BORCS5: variants seen among roughly 807,000 people sequenced by gnomAD.
The protein encoded by BORCS5 is BLOC-1-related complex subunit 5.
In BORCS5, 17 loss-of-function variants were observed where a neutral mutation model predicts 22.1. That is an observed-to-expected ratio of 0.77 (90% CI 0.53 to 1.15). The LOEUF (loss-of-function observed/expected upper bound fraction) is 1.15, where lower values mean the gene tolerates loss of function less well. Ranked by LOEUF, BORCS5 falls within the 50% of genes most tolerant of loss-of-function variation. The pLI is 0.00. For synonymous variants in BORCS5, 117 were observed against 99.8 expected (o/e 1.17, Z -1.03); for missense variants, 247 against 253.2 (o/e 0.98, Z 0.17).
chr12:12,453,707 A>T (rs947704103), intron 3 of BORCS5, among the ~76,000 whole-genome samples: 8 of 152,158 alleles, frequency 5.3e-5, no homozygotes, highest in African/African-American at 1.9e-4. Flanking sequence ...CACGTAGTTC[A>T]CCCTTTTACA....
At chr12:12,423,474 G>A (rs1592113856) in intron 2 of BORCS5, among the ~76,000 whole-genome samples, 1 of 88,184 alleles carries the variant, frequency 1.1e-5, no homozygotes, top group African/African-American at 4.4e-5. Flanking sequence ...TTTCCTGACT[G>A]ATACGCTTAA....
intron 2 of BORCS5, among the ~76,000 whole-genome samples, chr12:12,367,788 C>T (rs1196742907): frequency 6.6e-6 from 1 of 152,198 alleles, no homozygotes; most frequent in Non-Finnish European, 1.5e-5. Context: ...GGTATTCATG[C>T]CTTTCTCTGA....
At chr12:12,421,428 G>C (rs930709930) in intron 2 of BORCS5, among the ~76,000 whole-genome samples, 23 of 152,254 alleles carry the variant, frequency 1.5e-4, no homozygotes, top group African/African-American at 5.5e-4. Flanking sequence ...TAAGCTTTTT[G>C]ATGTGCTCCT....
At chr12:12,366,166 C>G (rs7296883) in intron 2 of BORCS5, among the ~76,000 whole-genome samples, 67,015 of 152,062 alleles carry the variant, frequency 0.44, 15,448 homozygotes, top group African/African-American at 0.58. Flanking sequence ...CACAGTGAAG[C>G]CTGTACCCCC....
chr12:12,437,844 C>T (rs1237004028), intron 3 of BORCS5, among the ~76,000 whole-genome samples: 2 of 152,138 alleles, frequency 1.3e-5, no homozygotes, highest in Non-Finnish European at 2.9e-5. Context: ...CTCGTTGCAA[C>T]CTCTAACTGC....
chr12:12,424,390 G>T (rs145911749), intron 2 of BORCS5, among the ~76,000 whole-genome samples: 2,274 of 152,024 alleles, frequency 0.015, 65 homozygotes, highest in African/African-American at 0.052. Flanking sequence ...TTTCTTTTTA[G>T]GTTTTCTGTC....
At chr12:12,452,127 C>T (rs994719168) in intron 3 of BORCS5, 19 of 531,496 alleles carry the variant, frequency 3.6e-5, no homozygotes, top group Admixed American at 1.4e-4. Context: ...GCAGGTTTGG[C>T]ACTTTATAGT....
chr12:12,455,757 C>T (rs1037832749), intron 3 of BORCS5, among the ~76,000 whole-genome samples: 4 of 144,104 alleles, frequency 2.8e-5, no homozygotes, highest in African/African-American at 1.1e-4. Context: ...GCAGCATGGG[C>T]AACAGAGTGA....
At chr12:12,413,059 C>T (rs867664650) in intron 2 of BORCS5, among the ~76,000 whole-genome samples, 6 of 134,038 alleles carry the variant, frequency 4.5e-5, no homozygotes, top group South Asian at 4.6e-4. Flanking sequence ...TGCGGCCTTC[C>T]GCAGTGTTTG....
At chr12:12,405,174 T>C (rs1438493015) in intron 2 of BORCS5, among the ~76,000 whole-genome samples, 1 of 152,116 alleles carries the variant, frequency 6.6e-6, no homozygotes, top group East Asian at 1.9e-4. Context: ...AGACAACCCA[T>C]AAAGGTAAAG....
intron 2 of BORCS5, among the ~76,000 whole-genome samples, chr12:12,410,247 A>C (rs934140984): frequency 2.1e-4 from 32 of 150,950 alleles, no homozygotes; most frequent in African/African-American, 7.8e-4. Flanking sequence ...CCCATTTGTC[A>C]ATTTTGGCTT....
chr12:12,445,756 C>T (rs1013561049), intron 3 of BORCS5, among the ~76,000 whole-genome samples: 2 of 151,334 alleles, frequency 1.3e-5, no homozygotes, highest in Non-Finnish European at 2.9e-5. Context: ...GCCCCAGCCT[C>T]CCCAGTAGCT....
chr12:12,402,480 T>C (rs1296835200), intron 2 of BORCS5, among the ~76,000 whole-genome samples: 1 of 152,164 alleles, frequency 6.6e-6, no homozygotes, highest in Non-Finnish European at 1.5e-5. Context: ...AGAGAGTTGG[T>C]TGTGTGTTGT....
chr12:12,392,709 C>T (rs532082786), intron 2 of BORCS5, among the ~76,000 whole-genome samples: 1 of 152,086 alleles, frequency 6.6e-6, no homozygotes, highest in Non-Finnish European at 1.5e-5. Flanking sequence ...ATTGCAATTG[C>T]CCAATAAAAA....
rs551494780 is a variant in BORCS5, at chr12:12,370,911, G to T, written c.202+9562G>T. Reference sequence around the variant, plus strand: ...CTACAGGCGCCCACCATCATGCCCAGCTAATTTTTCTGTATTTTTAGCAGA... The same window carrying T: ...CTACAGGCGCCCACCATCATGCCCATCTAATTTTTCTGTATTTTTAGCAGA... On this transcript the variant is annotated intron_variant, in intron 2 of 3. Transcript: ENST00000314565. Among the ~76,000 whole-genome samples the T allele has an allele frequency of 2.8e-4, 43 of 152,104 alleles. 1 individual carries two copies. In the South Asian group the frequency reaches 8.9e-3, roughly 32 times the overall value.
rs1490293137 is a variant in BORCS5, at chr12:12,397,604, C to T, written c.202+36255C>T. On this transcript the variant is annotated intron_variant, in intron 2 of 3. Coordinates refer to ENST00000314565, the MANE Select transcript of BORCS5 (RefSeq NM_058169.6). The stretch of plus-strand genomic sequence containing the variant: ...AAAGAAGACTTTGATGAGAGAAGAT[C>T]GGTACCTGACATAGTCTGGTAATTC... Among the ~76,000 whole-genome samples the T allele has an allele frequency of 9.2e-4, 140 of 152,230 alleles. 2 individuals are homozygous for T. Among genetic ancestry groups the T allele is most frequent in the Admixed American group, 9.0e-3 (137 of 15,294 alleles).
At chr12:12,465,478 G>C (rs1943183345) in intron 3 of BORCS5, 68 bp from the exon 4 acceptor site, 2 of 1,379,432 alleles carry the variant, frequency 1.4e-6, no homozygotes, top group African/African-American at 1.4e-5. Flanking sequence ...CTCACAGGCT[G>C]GACACCCGGC....
intron 3 of BORCS5, chr12:12,452,012 A>G (rs1283847484): frequency 1.8e-5 from 6 of 327,712 alleles, no homozygotes; most frequent in Non-Finnish European, 3.6e-5. Flanking sequence ...ACTTAAATCC[A>G]AGAGCAAAAC....
In BORCS5 at chr12:12,357,158, C is replaced by T. The variant is rs1293376710; in HGVS notation, c.-294C>T. ...CGCCGCCCGCCGGCCGCAGGTGCGG[C>T]AAAGCCAGTGTCATCTGCCGGTTCT... On this transcript the variant is annotated 5_prime_UTR_variant, in exon 1 of 4. Coordinates refer to ENST00000314565, the MANE Select transcript of BORCS5 (RefSeq NM_058169.6). 2.7e-5 allele frequency: 41 copies of T among 1,532,614 alleles called. No individual in the cohort carries two copies. Among genetic ancestry groups the T allele is most frequent in the Non-Finnish European group, 3.5e-5 (40 of 1,145,518 alleles). The allele number at this position is 1,532,614 out of a possible 1,614,324, so 94.9% of individuals were successfully genotyped here. A position where few individuals can be genotyped will look rare whatever the true frequency, so the allele number is the denominator to read the frequency against.
Sources: gnomAD v4.1 joint callset for allele counts (sites outside exome capture counted in the v4.1 genomes callset) on GRCh38, gnomAD v4.1.1 for gene constraint, MANE v1.5 for transcripts, NCBI Gene and HGNC (gene_info 2026-07-23, HGNC 2026-07-21) for gene names.